Variants in KAZN observed in about 807,000 individuals in gnomAD.
KAZN encodes the protein kazrin.
In KAZN, 40 loss-of-function variants were observed where a neutral mutation model predicts 87.4. That is an observed-to-expected ratio of 0.46 (90% CI 0.36 to 0.60). KAZN has a LOEUF of 0.60. Among genes scored for constraint, KAZN ranks in the 20% least tolerant of loss-of-function variants. The pLI is 0.00. For synonymous variants in KAZN, 466 were observed against 458.3 expected (o/e 1.02, Z -0.22); for missense variants, 898 against 1,073.9 (o/e 0.84, Z 2.29).
intron 1 of KAZN, among the ~76,000 whole-genome samples, chr1:14,910,263 G>A (rs1353669509): frequency 6.6e-6 from 1 of 152,136 alleles, no homozygotes. Flanking sequence ...GAGTGCGAGT[G>A]AGCGCTCCAT....
At chr1:14,144,872 C>G (rs1167198619) in intron 1 of KAZN, among the ~76,000 whole-genome samples, 1 of 152,144 alleles carries the variant, frequency 6.6e-6, no homozygotes, top group Admixed American at 6.5e-5. Flanking sequence ...ACACTCACCC[C>G]ACAGGAAAGG....
chr1:14,888,576 G>A (rs896448066), intron 1 of KAZN, among the ~76,000 whole-genome samples: 15 of 151,542 alleles, frequency 9.9e-5, no homozygotes, highest in African/African-American at 3.4e-4. Flanking sequence ...ATTAATTCAC[G>A]CAAATATAGC....
chr1:14,508,240 A>G (rs1210467182), intron 2 of KAZN, among the ~76,000 whole-genome samples: 1 of 152,136 alleles, frequency 6.6e-6, no homozygotes, highest in African/African-American at 2.4e-5. Context: ...ACTAGAAGAG[A>G]TAGTTCTGGG....
At chr1:14,390,113 A>G (rs1662291078) in intron 2 of KAZN, among the ~76,000 whole-genome samples, 1 of 152,228 alleles carries the variant, frequency 6.6e-6, no homozygotes, top group Non-Finnish European at 1.5e-5. Flanking sequence ...CCATTTGCAA[A>G]AACAAAATCA....
At chr1:14,994,784 A>G (rs1667710290) in intron 2 of KAZN, among the ~76,000 whole-genome samples, 1 of 152,220 alleles carries the variant, frequency 6.6e-6, no homozygotes, top group Admixed American at 6.5e-5. Context: ...GACTCCGTGT[A>G]TTCATCGGCA....
chr1:14,399,579 C>G (rs1663208526), intron 2 of KAZN, among the ~76,000 whole-genome samples: 2 of 152,086 alleles, frequency 1.3e-5, no homozygotes, highest in Non-Finnish European at 2.9e-5. Flanking sequence ...TCACGAGTCA[C>G]CTGGGGGCGT....
intron 1 of KAZN, among the ~76,000 whole-genome samples, chr1:14,037,117 G>T (rs994024906): frequency 8.5e-5 from 13 of 152,084 alleles, no homozygotes; most frequent in Non-Finnish European, 1.9e-4. Flanking sequence ...AACAAAAATG[G>T]GATCACATAG....
At chr1:14,647,496 A>G (rs1680893718) in intron 1 of KAZN, among the ~76,000 whole-genome samples, 2 of 152,162 alleles carry the variant, frequency 1.3e-5, no homozygotes, top group Non-Finnish European at 2.9e-5. Flanking sequence ...TTCCTGGATC[A>G]TCTTAACATC....
intron 1 of KAZN, among the ~76,000 whole-genome samples, chr1:14,624,437 C>CA (rs200194897): frequency 0.1 from 15,111 of 150,098 alleles, 2,621 homozygotes; most frequent in African/African-American, 0.36. Flanking sequence ...AAAAAAAAAA[C>CA]AACAAAAAAA....
intron 2 of KAZN, among the ~76,000 whole-genome samples, chr1:14,365,775 A>G (rs1294581642): frequency 1.3e-5 from 2 of 152,226 alleles, no homozygotes; most frequent in Non-Finnish European, 2.9e-5. Context: ...CTCCGGGTTA[A>G]AAAATAATAC....
intron 1 of KAZN, among the ~76,000 whole-genome samples, chr1:14,020,544 G>A (rs186096997): frequency 6.6e-6 from 1 of 152,204 alleles, no homozygotes; most frequent in Admixed American, 6.5e-5. Flanking sequence ...CTGTAAAACT[G>A]TGTTAAAGTG....
chr1:14,942,850 C>G (rs1661253047), intron 1 of KAZN, among the ~76,000 whole-genome samples: 1 of 152,076 alleles, frequency 6.6e-6, no homozygotes, highest in African/African-American at 2.4e-5. Flanking sequence ...CAAGAGATTT[C>G]CTTGTCTGGG....
At chr1:14,235,857 T>A (rs1307932755) in intron 2 of KAZN, among the ~76,000 whole-genome samples, 1 of 152,158 alleles carries the variant, frequency 6.6e-6, no homozygotes, top group Non-Finnish European at 1.5e-5. Context: ...CAATCCAGTC[T>A]CTTTTTGAGC....
intron 2 of KAZN, among the ~76,000 whole-genome samples, chr1:14,401,342 C>T (rs147055464): frequency 5.2e-4 from 78 of 150,644 alleles, no homozygotes; most frequent in African/African-American, 1.8e-3. Context: ...AGAGAGAAGA[C>T]GACTAGTTTT....
chr1:14,021,915 A>G (rs1570547119), intron 1 of KAZN, among the ~76,000 whole-genome samples: 1 of 151,028 alleles, frequency 6.6e-6, no homozygotes, highest in African/African-American at 2.4e-5. Flanking sequence ...CTCTGGGATC[A>G]ATATTCTCCA....
intron 2 of KAZN, among the ~76,000 whole-genome samples, chr1:14,972,672 G>A (rs1170553659): frequency 2.0e-5 from 3 of 151,900 alleles, no homozygotes; most frequent in Non-Finnish European, 2.9e-5. Flanking sequence ...CTGCCACCAC[G>A]CCCGGCTAAT....
chr1:14,997,989 G>T (rs748841416), intron 2 of KAZN, among the ~76,000 whole-genome samples: 5 of 152,298 alleles, frequency 3.3e-5, no homozygotes, highest in African/African-American at 1.2e-4. Flanking sequence ...AGCACTCAAC[G>T]AGTCACTGTC....
chr1:14,972,395 G>C (rs558334585), intron 2 of KAZN, among the ~76,000 whole-genome samples: 61 of 152,336 alleles, frequency 4.0e-4, no homozygotes, highest in Non-Finnish European at 6.3e-4. Context: ...GCTTGGCTCA[G>C]TTGAGCACAG....
At chr1:14,608,956 GC>G (rs1677593256) in intron 1 of KAZN, among the ~76,000 whole-genome samples, 1 of 152,010 alleles carries the variant, frequency 6.6e-6, no homozygotes, top group African/African-American at 2.4e-5. Flanking sequence ...CCCCACTCCT[GC>G]CATTTGAAAT....
Sources: allele counts gnomAD v4.1 joint callset (sites outside exome capture counted in the v4.1 genomes callset), GRCh38; gene constraint gnomAD v4.1.1; transcripts MANE v1.5; gene names NCBI Gene and HGNC (gene_info 2026-07-23, HGNC 2026-07-21).